Variants in CLPSL1 observed in about 807,000 individuals in gnomAD.
CLPSL1 encodes colipase like 1, also known as colipase-like protein 1.
A neutral mutation model predicts 9.3 loss-of-function variants in CLPSL1; 13 were observed. That is an observed-to-expected ratio of 1.40 (90% CI 0.91 to 2.22). The LOEUF (loss-of-function observed/expected upper bound fraction) is 2.22. CLPSL1 is among the 30% of genes most tolerant of loss of function. The pLI, the probability that CLPSL1 is intolerant of heterozygous loss-of-function variation, is 0.00. For synonymous variants in CLPSL1, 58 were observed against 56.9 expected, an observed-to-expected ratio of 1.02 and a Z score of -0.08; for missense variants, 164 against 146.6, an observed-to-expected ratio of 1.12 and a Z score of -0.61.
At chr6:35,789,332 C>T (rs1413292126), downstream of CLPSL1, among the ~76,000 whole-genome samples, 1 of 152,376 alleles carries the variant, frequency 6.6e-6, no homozygotes, top group African/African-American at 2.4e-5. Flanking sequence ...ACCAAGAAGA[C>T]ACCTTGGGGA....
chr6:35,783,065 C>T (rs575768653), intron 1 of CLPSL1, among the ~76,000 whole-genome samples: 11 of 152,178 alleles, frequency 7.2e-5, no homozygotes, highest in Admixed American at 2.0e-4. Context: ...TCATCACTAC[C>T]GTCAGAACAA....
At chr6:35,782,063 T>G (rs1767977573) in intron 1 of CLPSL1, among the ~76,000 whole-genome samples, 1 of 152,046 alleles carries the variant, frequency 6.6e-6, no homozygotes, top group African/African-American at 2.4e-5. Context: ...GGGTTTGCAG[T>G]TTTAAATGGG....
chr6:35,786,968 A>G, intron 1 of CLPSL1, 30 bp from the exon 2 acceptor site: 1 of 1,557,182 alleles, frequency 6.4e-7, no homozygotes, highest in Non-Finnish European at 8.7e-7. Context: ...CGGGCGGTGG[A>G]GCCTGGCGGT....
At chr6:35,784,960 G>A (rs1469357556) in intron 1 of CLPSL1, among the ~76,000 whole-genome samples, 2 of 152,172 alleles carry the variant, frequency 1.3e-5, no homozygotes, top group Non-Finnish European at 2.9e-5. Context: ...TGAAGGGCAA[G>A]TGCAGTGTTT....
At chr6:35,784,164 C>A (rs1389552155) in intron 1 of CLPSL1, among the ~76,000 whole-genome samples, 1 of 152,024 alleles carries the variant, frequency 6.6e-6, no homozygotes, top group Admixed American at 6.6e-5. Flanking sequence ...AAGGGTGGGA[C>A]AACTTGAAGT....
At chr6:35,786,922 G>A (rs1210396725) in intron 1 of CLPSL1, 76 bp from the exon 2 acceptor site, 3 of 1,517,432 alleles carry the variant, frequency 2.0e-6, no homozygotes, top group African/African-American at 1.4e-5. Context: ...AGCCCCGTAG[G>A]GAGAAAGCCC....
Position 35,787,085 on chromosome 6 carries a change from G to A in CLPSL1, c.187G>A (p.Glu63Lys), listed in dbSNP as rs773849344. 2.2e-5 allele frequency: 35 copies of A among 1,610,584 alleles called. No individual in the cohort carries two copies. The highest frequency in any genetic ancestry group is 8.5e-7 in the Non-Finnish European group (1 of 1,179,276). The change falls in exon 2 of 3, where the codon GAG becomes AAG. Residue 63 changes from glutamate (E) to lysine (K), a missense_variant. Transcript: ENST00000373861. ...APDNCESHCA[E>K]KGSEGSLCQT... ...AGACAATTGCGAGTCGCACTGCGCGGAGAAGGGGTCCGAGGGCAGTCTGTG... is the reference window on the plus strand; with the variant it reads ...AGACAATTGCGAGTCGCACTGCGCGAAGAAGGGGTCCGAGGGCAGTCTGTG...
rs770922861 is a variant in CLPSL1 at position 35,787,907 on chromosome 6, A to C, written c.263A>C (p.Asn88Thr). Residue 88 changes from asparagine (N) to threonine (T), a missense_variant, in exon 3 of 3, where the codon AAC becomes ACC. Coordinates refer to ENST00000373861, the MANE Select transcript of CLPSL1 (RefSeq NM_001010886.5). ...TATAGAGCGTGTCCCTGCCTGCGGA[A>C]CCTGACTTGTATATATTCAAAGAAT... ...GQYRACPCLR[N>T]LTCIYSKNEK... 1 of 1,609,008 alleles carries C rather than the reference A, an allele frequency of 6.2e-7. No individual in the cohort carries two copies. The highest frequency in any genetic ancestry group is 8.5e-7 in the Non-Finnish European group (1 of 1,175,402).
At chr6:35,790,565 G>A (rs2395636), downstream of CLPSL1, among the ~76,000 whole-genome samples, 27,144 of 147,484 alleles carry the variant, frequency 0.18, 124 homozygotes, top group East Asian at 0.24. Flanking sequence ...TGCGGGTTAT[G>A]TACCATCTCA....
intron 1 of CLPSL1, among the ~76,000 whole-genome samples, chr6:35,782,680 C>G (rs530518512): frequency 1.4e-4 from 22 of 152,082 alleles, no homozygotes; most frequent in Non-Finnish European, 2.2e-4. Flanking sequence ...TTCAGAGCCC[C>G]AGTGATGGCT....
downstream of CLPSL1, among the ~76,000 whole-genome samples, chr6:35,788,890 T>C (rs1446144669): frequency 1.3e-5 from 2 of 152,378 alleles, no homozygotes; most frequent in Non-Finnish European, 2.9e-5. Flanking sequence ...ATTTTGGAGT[T>C]AATTATTTCA....
chr6:35,786,942 C>G (rs377261621), intron 1 of CLPSL1, 56 bp from the exon 2 acceptor site: 6 of 1,538,986 alleles, frequency 3.9e-6, no homozygotes, highest in Non-Finnish European at 5.2e-6. Flanking sequence ...CCAGGCGGGG[C>G]GGCGAGGGCG....
At chr6:35,786,473 G>A (rs565425585) in intron 1 of CLPSL1, among the ~76,000 whole-genome samples, 3 of 152,220 alleles carry the variant, frequency 2.0e-5, no homozygotes, top group Non-Finnish European at 4.4e-5. Flanking sequence ...CTGGAACAGT[G>A]CCTGGCACAC....
intron 2 of CLPSL1, 53 bp downstream of exon 2, chr6:35,787,173 C>T: frequency 2.5e-6 from 4 of 1,591,662 alleles, no homozygotes; most frequent in Non-Finnish European, 3.4e-6. Context: ...AAGTGGGAGC[C>T]AGGGCGGGCC....
chr6:35,790,595 A>G (rs1768167189), downstream of CLPSL1, among the ~76,000 whole-genome samples: 1 of 152,274 alleles, frequency 6.6e-6, no homozygotes, highest in Admixed American at 6.5e-5. Flanking sequence ...GGGGAGGAGG[A>G]GAAAGGACAC....
intron 1 of CLPSL1, among the ~76,000 whole-genome samples, chr6:35,782,189 A>C (rs1266725530): frequency 6.6e-6 from 1 of 152,190 alleles, no homozygotes; most frequent in East Asian, 1.9e-4. Flanking sequence ...TTCAAGGTGG[A>C]GGGAACAGCC....
chr6:35,787,491 C>T (rs376158264), intron 2 of CLPSL1, among the ~76,000 whole-genome samples: 3 of 152,244 alleles, frequency 2.0e-5, no homozygotes, highest in South Asian at 2.1e-4. Context: ...GCTGTGGCCC[C>T]GGGTGTTCCT....
downstream of CLPSL1, among the ~76,000 whole-genome samples, chr6:35,789,833 G>A (rs540990404): frequency 4.4e-4 from 67 of 152,308 alleles, no homozygotes; most frequent in African/African-American, 1.4e-3. Context: ...GGTGGAGGTT[G>A]CAGTGAGCCG....
intron 1 of CLPSL1, among the ~76,000 whole-genome samples, chr6:35,783,798 T>A (rs529709886): frequency 6.5e-5 from 9 of 138,890 alleles, no homozygotes; most frequent in African/African-American, 2.5e-4. Flanking sequence ...ACGGCGAGAC[T>A]CTATCTCCAA....
Sources: gnomAD v4.1 joint callset for allele counts (sites outside exome capture counted in the v4.1 genomes callset) on GRCh38, gnomAD v4.1.1 for gene constraint, MANE v1.5 for transcripts, NCBI Gene and HGNC (gene_info 2026-07-23, HGNC 2026-07-21) for gene names.